Variants in BMPER observed in about 807,000 individuals in gnomAD.
The protein encoded by BMPER is BMP binding endothelial regulator, also known as BMP-binding endothelial regulator protein.
In BMPER, 45 loss-of-function variants were observed where a neutral mutation model predicts 87.3. The observed-to-expected ratio is 0.52, with a 90% CI of 0.41 to 0.66. BMPER has a LOEUF of 0.66. BMPER is among the 30% of genes least tolerant of loss of function. BMPER has a pLI of 0.00. For synonymous variants in BMPER, 326 were observed against 316.2 expected, an observed-to-expected ratio of 1.03 and a Z score of -0.33; for missense variants, 784 against 867.5, an observed-to-expected ratio of 0.90 and a Z score of 1.21.
In BMPER at chr7:34,058,079, T is replaced by C. The variant is rs1458249394; in HGVS notation, c.948T>C (p.Ser316=). The part of the protein sequence containing the change: ...KIFQDGEMWS[S]INCTICACVK... ...TGTAGGATGGAGAGATGTGGTCCTC[T>C]ATCAATTGTACCATCTGTGCTTGTG... The change falls in exon 10 of 15, where the codon TCT becomes TCC. Residue 316 remains serine (S), a synonymous_variant. Coordinates refer to ENST00000649409, the MANE Select transcript of BMPER (RefSeq NM_001365308.1). 1 of 1,614,130 alleles carries C rather than the reference T, an allele frequency of 6.2e-7. No individual in the cohort carries two copies.
chr7:33,927,932 G>T (rs1784397869), intron 2 of BMPER, among the ~76,000 whole-genome samples: 1 of 152,186 alleles, frequency 6.6e-6, no homozygotes, highest in South Asian at 2.1e-4. Flanking sequence ...GGAAGAAGCA[G>T]ATTTATTATT....
In BMPER at chr7:33,905,629, G is replaced by A. The variant is rs142872640; in HGVS notation, c.16G>A (p.Gly6Ser). ...CCAGGTGACGATGCTCTGGTTCTCCGGCGTCGGGGCTCTGGCTGAGCGTTA... is the reference window on the plus strand; with the variant it reads ...CCAGGTGACGATGCTCTGGTTCTCCAGCGTCGGGGCTCTGGCTGAGCGTTA... MLWFS[G>S]VGALAERYCR... Residue 6 changes from glycine (G) to serine (S), a missense_variant, in exon 1 of 15, where the codon GGC (glycine) becomes AGC (serine). Coordinates refer to ENST00000649409, the MANE Select transcript of BMPER (RefSeq NM_001365308.1). The A allele has an allele frequency of 4.3e-6, 7 of 1,612,858 alleles. No individual in the cohort carries two copies. The highest frequency in any genetic ancestry group is 2.2e-5 in the East Asian group (1 of 44,866).
intron 6 of BMPER, among the ~76,000 whole-genome samples, chr7:33,980,664 A>G (rs1362607267): frequency 6.6e-6 from 1 of 152,232 alleles, no homozygotes; most frequent in African/African-American, 2.4e-5. Flanking sequence ...GGGAGGGAGT[A>G]TAGCCCACAG....
chr7:33,982,883 G>A (rs963888079), intron 6 of BMPER, among the ~76,000 whole-genome samples: 5 of 152,134 alleles, frequency 3.3e-5, no homozygotes, highest in African/African-American at 9.7e-5. Context: ...GGAAGAAAGA[G>A]GGCAAAGGTG....
At chr7:34,006,177 A>G (rs911119938) in intron 6 of BMPER, among the ~76,000 whole-genome samples, 9 of 152,098 alleles carry the variant, frequency 5.9e-5, no homozygotes, top group African/African-American at 2.2e-4. Context: ...AGCTAAGATA[A>G]TGGCCAAAAA....
chr7:34,148,200 A>G (rs111727533), intron 14 of BMPER, among the ~76,000 whole-genome samples: 4 of 152,072 alleles, frequency 2.6e-5, no homozygotes, highest in Admixed American at 6.5e-5. Context: ...CTGCTGTTCT[A>G]TGTGTCTGGG....
chr7:33,909,980 G>C (rs981677685), intron 2 of BMPER, among the ~76,000 whole-genome samples: 2 of 152,184 alleles, frequency 1.3e-5, no homozygotes, highest in African/African-American at 4.8e-5. Context: ...GTAGACCTGA[G>C]CATCTTGCCA....
intron 12 of BMPER, among the ~76,000 whole-genome samples, 186 bp from the exon 13 acceptor site, chr7:34,085,570 G>A (rs955642721): frequency 6.6e-6 from 1 of 152,174 alleles, no homozygotes; most frequent in Admixed American, 6.5e-5. Flanking sequence ...ACCAGCAAAT[G>A]ACTCAGATAA....
chr7:34,059,893 TC>T (rs1023706186), intron 10 of BMPER, among the ~76,000 whole-genome samples: 7 of 151,834 alleles, frequency 4.6e-5, no homozygotes, highest in African/African-American at 1.7e-4. Context: ...CTGCCTCTCC[TC>T]CCCCATCCTG....
chr7:33,997,492 G>A (rs1216138447), intron 6 of BMPER, among the ~76,000 whole-genome samples: 1 of 151,992 alleles, frequency 6.6e-6, no homozygotes, highest in Non-Finnish European at 1.5e-5. Context: ...CCCTCTTCAT[G>A]CTCTCTCTCT....
intron 3 of BMPER, among the ~76,000 whole-genome samples, chr7:33,947,545 T>C (rs1195058984): frequency 1.3e-5 from 2 of 152,354 alleles, no homozygotes; most frequent in East Asian, 3.9e-4. Context: ...TTATATTTGA[T>C]TTTTAAAATC....
chr7:34,014,603 G>A (rs1002340075), intron 6 of BMPER, among the ~76,000 whole-genome samples: 3 of 151,898 alleles, frequency 2.0e-5, no homozygotes, highest in Non-Finnish European at 4.4e-5. Context: ...GGACCGTGGA[G>A]TGTGGAATTT....
chr7:33,973,646 C>G (rs151247559), intron 5 of BMPER, among the ~76,000 whole-genome samples: 29 of 152,336 alleles, frequency 1.9e-4, no homozygotes, highest in African/African-American at 6.7e-4. Flanking sequence ...CTTTAGCTGG[C>G]AGGCCTTGAA....
chr7:34,102,941 T>C (rs1789720490), intron 13 of BMPER, among the ~76,000 whole-genome samples: 1 of 152,110 alleles, frequency 6.6e-6, no homozygotes, highest in Non-Finnish European at 1.5e-5. Context: ...TGGGATGAGG[T>C]GCCCTGTAAG....
intron 13 of BMPER, among the ~76,000 whole-genome samples, chr7:34,142,768 A>C (rs1790906630): frequency 6.6e-6 from 1 of 152,240 alleles, no homozygotes; most frequent in Non-Finnish European, 1.5e-5. Context: ...GAAACATTGC[A>C]GTAAAGTCTA....
chr7:34,021,319 A>C (rs1787181336), intron 6 of BMPER, among the ~76,000 whole-genome samples: 1 of 152,028 alleles, frequency 6.6e-6, no homozygotes, highest in Non-Finnish European at 1.5e-5. Context: ...ATGGTTTTAA[A>C]AAATATTCTA....
chr7:33,944,579 A>G (rs1344419254), intron 3 of BMPER, among the ~76,000 whole-genome samples: 1 of 152,210 alleles, frequency 6.6e-6, no homozygotes, highest in Non-Finnish European at 1.5e-5. Context: ...GTTTGTTTTG[A>G]AACTTCTAAT....
chr7:34,027,646 A>G (rs528807380), intron 6 of BMPER, among the ~76,000 whole-genome samples: 1 of 152,228 alleles, frequency 6.6e-6, no homozygotes, highest in South Asian at 2.1e-4. Context: ...CAGACAAATT[A>G]TGGTTATTAA....
intron 13 of BMPER, among the ~76,000 whole-genome samples, chr7:34,127,259 A>T (rs1309592284): frequency 6.6e-5 from 10 of 152,114 alleles, no homozygotes; most frequent in Non-Finnish European, 5.9e-5. Context: ...AGAGAATCAC[A>T]TTTTATTAAC....
Sources: allele counts gnomAD v4.1 joint callset (sites outside exome capture counted in the v4.1 genomes callset), GRCh38; gene constraint gnomAD v4.1.1; transcripts MANE v1.5; gene names NCBI Gene and HGNC (gene_info 2026-07-23, HGNC 2026-07-21).